The following DENND1A variants were observed in gnomAD, a reference collection of about 807,000 sequenced individuals.
DENND1A encodes the protein DENN domain containing 1A.
In DENND1A, 51 loss-of-function variants were observed where a neutral mutation model predicts 113.7. The ratio of observed to expected loss-of-function variants is 0.45; its 90% CI spans 0.36 to 0.57. The LOEUF (loss-of-function observed/expected upper bound fraction) is 0.57, where lower values mean the gene tolerates loss of function less well. Ranked by LOEUF, DENND1A falls within the 20% of genes least tolerant of loss-of-function variation. The probability of loss-of-function intolerance (pLI) is 0.00; values close to 1 mark genes in which losing one functional copy is unlikely to be tolerated. For synonymous variants in DENND1A, 565 were observed against 570.8 expected (o/e 0.99, Z 0.14); for missense variants, 1,258 against 1,395.9 (o/e 0.90, Z 1.57).
At chr9:123,503,407 T>C (rs1046307270) in intron 13 of DENND1A, among the ~76,000 whole-genome samples, 8 of 152,290 alleles carry the variant, frequency 5.3e-5, no homozygotes, top group Admixed American at 2.0e-4. Context: ...GCCATGGAAA[T>C]CTTTAACATC....
Position 123,516,652 on chromosome 9 carries a change from C to T in DENND1A, c.993+40918G>A, listed in dbSNP as rs1238647883. Reference sequence around the variant, plus strand: ...CCTGGAATCCCAGCACTTTGAGAGGCCAAGGTGGGCAGATCACGAGGTCAG... The same window carrying T: ...CCTGGAATCCCAGCACTTTGAGAGGTCAAGGTGGGCAGATCACGAGGTCAG... On this transcript the variant is annotated intron_variant, in intron 13 of 23. Transcript: ENST00000394215. 3.3e-5 allele frequency among the ~76,000 whole-genome samples: 5 copies of T among 152,050 alleles called. No homozygotes were observed. In the East Asian group the frequency reaches 9.7e-4, roughly 29 times the overall value.
At chr9:123,816,111 C>T (rs1261484272) in intron 2 of DENND1A, among the ~76,000 whole-genome samples, 1 of 151,682 alleles carries the variant, frequency 6.6e-6, no homozygotes, top group Admixed American at 6.6e-5. Context: ...AGCGGTCCTC[C>T]CACTTTAGCC....
At chr9:123,593,407 C>T (rs1342645366) in intron 11 of DENND1A, among the ~76,000 whole-genome samples, 1 of 152,134 alleles carries the variant, frequency 6.6e-6, no homozygotes, top group African/African-American at 2.4e-5. Flanking sequence ...AGACAGCACC[C>T]AAGGCAGCAC....
intron 10 of DENND1A, among the ~76,000 whole-genome samples, chr9:123,627,766 A>C (rs371944993): frequency 2.0e-4 from 29 of 146,960 alleles, no homozygotes; most frequent in South Asian, 1.7e-3. Context: ...AAAGAGAGAG[A>C]GAGCGAGCGA....
At chr9:123,694,645 G>T (rs1040128593) in intron 5 of DENND1A, among the ~76,000 whole-genome samples, 7 of 152,148 alleles carry the variant, frequency 4.6e-5, no homozygotes, top group Non-Finnish European at 4.4e-5. Flanking sequence ...TAGTGCAGTC[G>T]CTGTTTTCAA....
chr9:123,586,846 G>A (rs1322631991), intron 11 of DENND1A, among the ~76,000 whole-genome samples: 1 of 152,090 alleles, frequency 6.6e-6, no homozygotes, highest in Non-Finnish European at 1.5e-5. Flanking sequence ...ATCAGTCAGG[G>A]ACACTAGCAT....
At chr9:123,493,826 C>A (rs987737938) in intron 13 of DENND1A, among the ~76,000 whole-genome samples, 8 of 152,180 alleles carry the variant, frequency 5.3e-5, no homozygotes, top group Admixed American at 3.9e-4. Flanking sequence ...AAGCACCAGG[C>A]GACCATTGCT....
chr9:123,453,978 A>C (rs2047924350), intron 16 of DENND1A, among the ~76,000 whole-genome samples: 2 of 152,252 alleles, frequency 1.3e-5, no homozygotes, highest in Admixed American at 1.3e-4. Flanking sequence ...GAACAAAGGA[A>C]GTCTTTCATG....
At chr9:123,887,538 G>A (rs1208066135) in intron 1 of DENND1A, among the ~76,000 whole-genome samples, 3 of 151,952 alleles carry the variant, frequency 2.0e-5, no homozygotes, top group Admixed American at 1.3e-4. Context: ...CCAACACAGG[G>A]TGTCAGAGCT....
chr9:123,452,290 T>A lies in DENND1A; in HGVS notation c.1285A>T (p.Thr429Ser). ...CCAGTACTTACGAACTTGTAGACAG[T>A]CTTCATGGCCGGATTTGCTTTGGTC... ...VKTKANPAMK[T>S]VYKFAKDHAK... The change falls in exon 17 of 24, where the codon ACT becomes TCT. Residue 429 changes from threonine to serine, a missense_variant. Physicochemically the swap from Thr to Ser is moderately conservative, Grantham distance 58 (BLOSUM62 1). Transcript: ENST00000394215. The A allele has an allele frequency of 1.2e-6, 2 of 1,614,250 alleles. No individual in the cohort carries two copies.
intron 11 of DENND1A, among the ~76,000 whole-genome samples, chr9:123,591,193 A>C (rs10986065): frequency 1.2e-3 from 188 of 152,328 alleles, no homozygotes; most frequent in Non-Finnish European, 2.2e-3. Context: ...GTATGAAAAC[A>C]ATGGGATTTC....
chr9:123,784,402 T>C lies in DENND1A; in HGVS notation c.132+8185A>G, dbSNP rs142166930. On this transcript the variant is annotated intron_variant, in intron 3 of 23. Transcript: ENST00000394215. The stretch of plus-strand genomic sequence containing the variant: ...GAGTCCATGTGAGAGAAGCTTTGAG[T>C]GTGAATGCAGAGGGAAACAGAAGAA... Among the ~76,000 whole-genome samples the C allele has an allele frequency of 6.0e-3, 905 of 152,084 alleles. 12 individuals are homozygous for C. The highest frequency in any genetic ancestry group is 0.021 in the African/African-American group (857 of 41,454).
At chr9:123,636,878 T>G (rs912130081) in intron 9 of DENND1A, among the ~76,000 whole-genome samples, 1 of 150,942 alleles carries the variant, frequency 6.6e-6, no homozygotes, top group Non-Finnish European at 1.5e-5. Flanking sequence ...GTATTTTTAA[T>G]AGAGATGGGG....
At chr9:123,393,706 G>T (rs993037614) in intron 21 of DENND1A, among the ~76,000 whole-genome samples, 14 of 152,194 alleles carry the variant, frequency 9.2e-5, no homozygotes, top group African/African-American at 3.1e-4. Context: ...TGGAGACAGA[G>T]GAAGCTACTG....
At chr9:123,900,480 G>C (rs1454280633) in intron 1 of DENND1A, among the ~76,000 whole-genome samples, 1 of 152,206 alleles carries the variant, frequency 6.6e-6, no homozygotes, top group East Asian at 1.9e-4. Flanking sequence ...GGAGGGTAAA[G>C]GGGATGCTCG....
At chr9:123,707,083 A>C (rs2066266441) in intron 5 of DENND1A, among the ~76,000 whole-genome samples, 1 of 151,958 alleles carries the variant, frequency 6.6e-6, no homozygotes, top group African/African-American at 2.4e-5. Context: ...CAATGAAGGG[A>C]GTAAATATAT....
At chr9:123,527,663 G>C (rs771101958) in intron 13 of DENND1A, among the ~76,000 whole-genome samples, 1 of 152,146 alleles carries the variant, frequency 6.6e-6, no homozygotes. Context: ...TCATTAAGCT[G>C]TATTATAACT....
intron 13 of DENND1A, among the ~76,000 whole-genome samples, chr9:123,466,613 A>G (rs1341515238): frequency 6.6e-6 from 1 of 152,220 alleles, no homozygotes; most frequent in Non-Finnish European, 1.5e-5. Flanking sequence ...ACTTCTTGCT[A>G]TCTGCACATT....
intron 1 of DENND1A, among the ~76,000 whole-genome samples, chr9:123,901,669 A>G (rs984533466): frequency 6.6e-6 from 1 of 152,142 alleles, no homozygotes; most frequent in Non-Finnish European, 1.5e-5. Flanking sequence ...GGTTGTGAAG[A>G]CCTTCTAATC....
Sources: gnomAD v4.1 joint callset for allele counts (sites outside exome capture counted in the v4.1 genomes callset) on GRCh38, gnomAD v4.1.1 for gene constraint, MANE v1.5 for transcripts, NCBI Gene and HGNC (gene_info 2026-07-23, HGNC 2026-07-21) for gene names.